RAMP3: variants seen among roughly 807,000 people sequenced by gnomAD.
RAMP3 encodes the protein receptor activity modifying protein 3, also known as receptor activity-modifying protein 3.
A neutral mutation model predicts 13.5 loss-of-function variants in RAMP3; 14 were observed. That is an observed-to-expected ratio of 1.04 (90% CI 0.69 to 1.63). RAMP3 has a LOEUF of 1.63. Ranked by LOEUF, RAMP3 falls within the 40% of genes most tolerant of loss-of-function variation. The pLI is 0.00. For missense variants in RAMP3, 200 were observed against 204.8 expected (o/e 0.98, Z 0.14); for synonymous variants, 106 against 88.3 (o/e 1.20, Z -1.12).
rs1485767085 is a variant in RAMP3, at chr7:45,177,397, C to A, written c.147C>A (p.Gly49=). The A allele has an allele frequency of 3.1e-6, 5 of 1,614,140 alleles. No homozygotes were observed. Among genetic ancestry groups the A allele is most frequent in the South Asian group, 1.1e-5 (1 of 91,084 alleles). Reference sequence around the variant, plus strand: ...GGAAGGCTTTCGCAGACATGATGGGCAAGGTGGACGTCTGGAAGTGGTGCA... The same window carrying A: ...GGAAGGCTTTCGCAGACATGATGGGAAAGGTGGACGTCTGGAAGTGGTGCA... The part of the protein sequence containing the change: ...LCGKAFADMM[G]KVDVWKWCNL... Residue 49 remains glycine (G), a synonymous_variant, in exon 2 of 3, where the codon GGC becomes GGA. Coordinates refer to ENST00000242249, the MANE Select transcript of RAMP3 (RefSeq NM_005856.3).
chr7:45,161,528 G>A lies in RAMP3; in HGVS notation c.58+3642G>A, dbSNP rs11976559. Among the ~76,000 whole-genome samples, 733 of 138,280 alleles carry A rather than the reference G, an allele frequency of 5.3e-3. 10 individuals carry two copies. Among genetic ancestry groups the A allele is most frequent in the African/African-American group, 0.022 (708 of 31,576 alleles). 90.7% of individuals were successfully genotyped at this position (138,280 alleles called of 152,430 possible). A position where few individuals can be genotyped will look rare whatever the true frequency, so the allele number is the denominator to read the frequency against. Reference sequence around the variant, plus strand: ...AACAGCCATGACTTGGGCTGGCTGCGGCAAATACCTCCAGGAAAGGGCTGG... The same window carrying A: ...AACAGCCATGACTTGGGCTGGCTGCAGCAAATACCTCCAGGAAAGGGCTGG... On this transcript the variant is annotated intron_variant, in intron 1 of 2. Transcript: ENST00000242249.
At chr7:45,161,132 C>A (rs1431136209) in intron 1 of RAMP3, among the ~76,000 whole-genome samples, 1 of 134,924 alleles carries the variant, frequency 7.4e-6, no homozygotes, top group African/African-American at 3.4e-5. Context: ...TACAATCTGC[C>A]TGAGCCAGGT....
intron 1 of RAMP3, among the ~76,000 whole-genome samples, chr7:45,175,929 CCT>C (rs1370918533): frequency 6.6e-6 from 1 of 152,146 alleles, no homozygotes; most frequent in African/African-American, 2.4e-5. Context: ...AGAAAGTGGT[CCT>C]GTCTAAACCT....
At chr7:45,178,090 T>A (rs1786230294) in intron 2 of RAMP3, among the ~76,000 whole-genome samples, 1 of 152,046 alleles carries the variant, frequency 6.6e-6, no homozygotes, top group Non-Finnish European at 1.5e-5. Context: ...TGGAGGGTGC[T>A]CCACCTCTCC....
chr7:45,160,264 G>A (rs1321127358), intron 1 of RAMP3, among the ~76,000 whole-genome samples: 5 of 143,672 alleles, frequency 3.5e-5, no homozygotes, highest in Non-Finnish European at 6.0e-5. Context: ...CCTGGAAGGC[G>A]GAGATTGCAG....
intron 2 of RAMP3, among the ~76,000 whole-genome samples, chr7:45,179,851 A>G (rs1307958015): frequency 6.6e-6 from 1 of 152,202 alleles, no homozygotes; most frequent in Non-Finnish European, 1.5e-5. Flanking sequence ...GTGGAAACAA[A>G]GGAAAACTTC....
chr7:45,177,431 G>A lies in RAMP3; in HGVS notation c.181G>A (p.Glu61Lys), dbSNP rs774454056. 4.5e-5 allele frequency: 73 copies of A among 1,613,936 alleles called. No homozygotes were observed. The highest frequency in any genetic ancestry group is 3.3e-4 in the Middle Eastern group (2 of 6,082). The change falls in exon 2 of 3, where the codon GAG becomes AAG. Residue 61 changes from glutamate (E) to lysine (K), a missense_variant. Coordinates refer to ENST00000242249, the MANE Select transcript of RAMP3 (RefSeq NM_005856.3). ...VDVWKWCNLS[E>K]FIVYYESFTN... ...CGTCTGGAAGTGGTGCAACCTGTCC[G>A]AGTTCATCGTGTGAGTGCCACTGCT... is the stretch of plus-strand genomic sequence containing the variant.
chr7:45,181,855 G>A (rs541343164), intron 2 of RAMP3, among the ~76,000 whole-genome samples: 124 of 152,182 alleles, frequency 8.1e-4, no homozygotes, highest in Non-Finnish European at 1.1e-3. Flanking sequence ...TTTTGCTCTG[G>A]CTGTTCTCTG....
intron 1 of RAMP3, among the ~76,000 whole-genome samples, chr7:45,175,835 C>T (rs1233609830): frequency 1.3e-5 from 2 of 152,182 alleles, no homozygotes; most frequent in Non-Finnish European, 2.9e-5. Flanking sequence ...CTTCCAGGGT[C>T]TTCCCTAATG....
intron 1 of RAMP3, among the ~76,000 whole-genome samples, chr7:45,166,161 T>C (rs1299803862): frequency 6.7e-6 from 1 of 149,558 alleles, no homozygotes; most frequent in Admixed American, 6.6e-5. Context: ...AATTTCTGCA[T>C]GTCCTCACTG....
chr7:45,172,197 C>T (rs1460440364), intron 1 of RAMP3, among the ~76,000 whole-genome samples: 1 of 152,188 alleles, frequency 6.6e-6, no homozygotes, highest in African/African-American at 2.4e-5. Context: ...CAACCTGGAG[C>T]TGGGAGGGAC....
chr7:45,160,453 G>A, intron 1 of RAMP3, among the ~76,000 whole-genome samples: 1 of 145,748 alleles, frequency 6.9e-6, no homozygotes, highest in Admixed American at 7.1e-5. Flanking sequence ...TGACCTCCAT[G>A]CTCTTACCTA....
chr7:45,164,509 T>A (rs1186840549), intron 1 of RAMP3, among the ~76,000 whole-genome samples: 1 of 152,030 alleles, frequency 6.6e-6, no homozygotes, highest in Non-Finnish European at 1.5e-5. Context: ...TACTCCAGCC[T>A]CGGTGACAGA....
intron 1 of RAMP3, among the ~76,000 whole-genome samples, chr7:45,169,936 G>C (rs563005953): frequency 1.3e-5 from 2 of 152,270 alleles, no homozygotes; most frequent in South Asian, 4.1e-4. Flanking sequence ...CCATAACAAT[G>C]CCTTATTAGG....
chr7:45,183,072 C>T (rs1055336472), intron 2 of RAMP3, 85 bp from the exon 3 acceptor site: 1 of 1,563,192 alleles, frequency 6.4e-7, no homozygotes, highest in African/African-American at 1.3e-5. Context: ...ACCCAAGCCA[C>T]CCCACCCATC....
At chr7:45,159,734 T>G (rs1204958256) in intron 1 of RAMP3, among the ~76,000 whole-genome samples, 2 of 152,178 alleles carry the variant, frequency 1.3e-5, no homozygotes, top group African/African-American at 4.8e-5. Flanking sequence ...CCATTCAGTT[T>G]AGTCCCTATC....
At chr7:45,161,283 G>T (rs1188736376) in intron 1 of RAMP3, among the ~76,000 whole-genome samples, 2 of 152,128 alleles carry the variant, frequency 1.3e-5, no homozygotes. Context: ...GTAGAGCCGT[G>T]GGGGAGGGGC....
chr7:45,183,060 G>T (rs1786349207), intron 2 of RAMP3, 97 bp from the exon 3 acceptor site: 4 of 1,531,148 alleles, frequency 2.6e-6, no homozygotes, highest in Admixed American at 3.5e-5. Flanking sequence ...AAATGGGACT[G>T]TACCCAAGCC....
chr7:45,184,240 T>C lies in RAMP3; in HGVS notation c.*828T>C. The C allele has an allele frequency of 2.5e-6, 1 of 398,258 alleles. No homozygotes were observed. The highest frequency in any genetic ancestry group is 4.4e-6 in the Non-Finnish European group (1 of 225,998). The allele number at this position is 398,258 out of a possible 1,614,324, so 24.7% of individuals were successfully genotyped here. A position where few individuals can be genotyped will look rare whatever the true frequency, so the allele number is the denominator to read the frequency against. On this transcript the variant is annotated 3_prime_UTR_variant, in exon 3 of 3. Transcript: ENST00000242249. The stretch of plus-strand genomic sequence containing the variant: ...GTGTTTTATCTGAGTAAAGTTACCT[T>C]ACTTCTGGAATTTCCTGTTTTGTTT...
Sources: allele counts gnomAD v4.1 joint callset (sites outside exome capture counted in the v4.1 genomes callset), GRCh38; gene constraint gnomAD v4.1.1; transcripts MANE v1.5; gene names NCBI Gene and HGNC (gene_info 2026-07-23, HGNC 2026-07-21).